The following LRFN2 variants were observed in gnomAD, a reference collection of about 807,000 sequenced individuals.
LRFN2 encodes leucine-rich repeat and fibronectin type-III domain-containing protein 2.
LRFN2 carries 18 observed loss-of-function variants against 37.3 expected under a neutral mutation model. That is an observed-to-expected ratio of 0.48 (90% CI 0.33 to 0.72). The LOEUF is 0.72. LRFN2 is among the 30% of genes least tolerant of loss of function. LRFN2 has a pLI of 0.02. For missense variants in LRFN2, 1,006 were observed against 1,060.7 expected (o/e 0.95, Z 0.72); for synonymous variants, 556 against 466.6 (o/e 1.19, Z -2.47).
intron 1 of LRFN2, among the ~76,000 whole-genome samples, chr6:40,436,587 C>T (rs1344550880): frequency 6.6e-6 from 1 of 152,116 alleles, no homozygotes; most frequent in Non-Finnish European, 1.5e-5. Context: ...TCCCCATGAG[C>T]ACCTGCCCAC....
In LRFN2 at chr6:40,428,563, A is replaced by C. The variant is rs571833692; in HGVS notation, c.1400+3151T>G. On this transcript the variant is annotated intron_variant, in intron 2 of 2. Transcript: ENST00000338305. ...CTCAAGCCATAACCCCTTTTAGGAC[A>C]GTGGGCAGCATGACCACAGGGGTTG... 5.3e-4 allele frequency among the ~76,000 whole-genome samples: 81 copies of C among 152,330 alleles called. 1 individual carries two copies. In the South Asian group the frequency reaches 0.016, roughly 30 times the overall value.
chr6:40,412,616 G>A (rs1049147331), intron 2 of LRFN2, among the ~76,000 whole-genome samples: 19 of 152,258 alleles, frequency 1.2e-4, no homozygotes, highest in Middle Eastern at 3.4e-3. Context: ...CCCTGACACC[G>A]TGAGGCATTC....
chr6:40,412,430 C>T (rs560399728), intron 2 of LRFN2, among the ~76,000 whole-genome samples: 35 of 152,278 alleles, frequency 2.3e-4, no homozygotes, highest in African/African-American at 5.1e-4. Context: ...TGCACAGCTC[C>T]GGGGTCCCAT....
chr6:40,403,676 G>A (rs1762788411), intron 2 of LRFN2, among the ~76,000 whole-genome samples: 1 of 152,180 alleles, frequency 6.6e-6, no homozygotes, highest in Non-Finnish European at 1.5e-5. Flanking sequence ...GGCAGGGTTG[G>A]CATCAGCCCC....
At chr6:40,521,147 G>T (rs1561892983) in intron 1 of LRFN2, among the ~76,000 whole-genome samples, 1 of 152,190 alleles carries the variant, frequency 6.6e-6, no homozygotes. Context: ...GGAAAAGTGT[G>T]TATGCCATAG....
rs58462773 is a variant in LRFN2 at position 40,533,374 on chromosome 6, A to AACACACACAC, written c.-19+53557_-19+53566dup. ...TCTACTTTACTCCTCTCTTGCTCAA[A>AACACACACAC]ACACACACACACACACACACACACA... On this transcript the variant is annotated intron_variant, in intron 1 of 2. Coordinates refer to ENST00000338305, the MANE Select transcript of LRFN2 (RefSeq NM_020737.3). 1.0e-2 allele frequency among the ~76,000 whole-genome samples: 1,425 copies of AACACACACAC among 143,030 alleles called. 23 individuals are homozygous for AACACACACAC. Among genetic ancestry groups the AACACACACAC allele is most frequent in the Middle Eastern group, 0.074 (21 of 282 alleles). The allele number at this position is 143,030 out of a possible 152,430, so 93.8% of individuals were successfully genotyped here.
intron 2 of LRFN2, among the ~76,000 whole-genome samples, chr6:40,403,845 C>T (rs1762791558): frequency 6.6e-6 from 1 of 152,194 alleles, no homozygotes; most frequent in Non-Finnish European, 1.5e-5. Context: ...CTCATGTAGT[C>T]AAAGTCCTCA....
At chr6:40,497,764 C>A (rs1332172542) in intron 1 of LRFN2, among the ~76,000 whole-genome samples, 1 of 152,110 alleles carries the variant, frequency 6.6e-6, no homozygotes, top group African/African-American at 2.4e-5. Flanking sequence ...TCCTGTCTTC[C>A]CCAGGATTGA....
rs188526520 is a variant in LRFN2 at position 40,569,561 on chromosome 6, G to A, written c.-19+17380C>T. ...TGGCATAGTGGTTGGGGGCAGGAGC[G>A]GCCAGGTGTAATGCCGCACTGCCCA... On this transcript the variant is annotated intron_variant, in intron 1 of 2. Coordinates refer to ENST00000338305, the MANE Select transcript of LRFN2 (RefSeq NM_020737.3). 1.8e-3 allele frequency among the ~76,000 whole-genome samples: 273 copies of A among 152,242 alleles called. 1 individual carries two copies. The highest frequency in any genetic ancestry group is 6.0e-3 in the African/African-American group (250 of 41,552).
chr6:40,455,537 T>C (rs985930366), intron 1 of LRFN2, among the ~76,000 whole-genome samples: 2 of 152,306 alleles, frequency 1.3e-5, no homozygotes, highest in African/African-American at 4.8e-5. Flanking sequence ...TATCCTAAAA[T>C]GGAGATAAAA....
At chr6:40,549,539 GA>G (rs1007881835) in intron 1 of LRFN2, among the ~76,000 whole-genome samples, 4 of 151,964 alleles carry the variant, frequency 2.6e-5, no homozygotes, top group African/African-American at 7.2e-5. Context: ...AGAAAAGAGA[GA>G]AAAAAAATGG....
intron 1 of LRFN2, among the ~76,000 whole-genome samples, chr6:40,526,035 G>A (rs369952210): frequency 6.6e-6 from 1 of 152,222 alleles, no homozygotes; most frequent in African/African-American, 2.4e-5. Flanking sequence ...AGATTTTCCT[G>A]GTTTAATAGC....
chr6:40,435,771 C>T (rs968730245), intron 1 of LRFN2, among the ~76,000 whole-genome samples: 1 of 152,142 alleles, frequency 6.6e-6, no homozygotes, highest in Non-Finnish European at 1.5e-5. Context: ...ATCTCCTGAC[C>T]TTGTGATCCG....
chr6:40,543,698 C>A (rs2113917819), intron 1 of LRFN2, among the ~76,000 whole-genome samples: 1 of 152,358 alleles, frequency 6.6e-6, no homozygotes, highest in African/African-American at 2.4e-5. Flanking sequence ...CGGGAAGCAG[C>A]TGCAGGCACT....
At chr6:40,547,918 C>T (rs145478323) in intron 1 of LRFN2, among the ~76,000 whole-genome samples, 16 of 152,270 alleles carry the variant, frequency 1.1e-4, no homozygotes, top group African/African-American at 3.6e-4. Flanking sequence ...CATCCCCACA[C>T]CTTTGTAAAT....
intron 1 of LRFN2, among the ~76,000 whole-genome samples, chr6:40,504,616 C>A (rs1165100151): frequency 6.6e-6 from 1 of 152,102 alleles, no homozygotes; most frequent in Non-Finnish European, 1.5e-5. Flanking sequence ...CAGTGAAGGT[C>A]AGAAGGAAAC....
chr6:40,581,441 G>A lies in LRFN2; in HGVS notation c.-19+5500C>T, dbSNP rs141574496. Among the ~76,000 whole-genome samples, 176 of 152,250 alleles carry A rather than the reference G, an allele frequency of 1.2e-3. 1 individual carries two copies. The highest frequency in any genetic ancestry group is 4.0e-3 in the African/African-American group (165 of 41,536). On this transcript the variant is annotated intron_variant, in intron 1 of 2. Transcript: ENST00000338305. ...AAAAGGAGAGCTCATTCTAGGTTCC[G>A]CTGCACCCCAGCAAGCATTCTCTGA...
chr6:40,480,438 C>T (rs895265295), intron 1 of LRFN2, among the ~76,000 whole-genome samples: 9 of 152,048 alleles, frequency 5.9e-5, no homozygotes, highest in East Asian at 5.8e-4. Flanking sequence ...GCCAGAACAC[C>T]GGTTATTTTT....
chr6:40,428,429 G>A (rs1470473261), intron 2 of LRFN2, among the ~76,000 whole-genome samples: 1 of 152,142 alleles, frequency 6.6e-6, no homozygotes, highest in African/African-American at 2.4e-5. Flanking sequence ...ATACCTTCCT[G>A]TTAAAATGAG....
Sources: gnomAD v4.1 joint callset for allele counts (sites outside exome capture counted in the v4.1 genomes callset) on GRCh38, gnomAD v4.1.1 for gene constraint, MANE v1.5 for transcripts, NCBI Gene and HGNC (gene_info 2026-07-23, HGNC 2026-07-21) for gene names.